The following ATP11B variants were observed in gnomAD, a reference collection of about 807,000 sequenced individuals.
The protein encoded by ATP11B is ATPase phospholipid transporting 11B (putative), also known as phospholipid-transporting ATPase IF.
A neutral mutation model predicts 157.8 loss-of-function variants in ATP11B; 81 were observed. That is an observed-to-expected ratio of 0.51 (90% CI 0.43 to 0.62). The LOEUF (loss-of-function observed/expected upper bound fraction) is 0.62. Ranked by LOEUF, ATP11B falls within the 20% of genes least tolerant of loss-of-function variation. ATP11B has a pLI of 0.00. For missense variants in ATP11B, 1,165 were observed against 1,402.2 expected (o/e 0.83, Z 2.70); for synonymous variants, 451 against 469.4 (o/e 0.96, Z 0.51).
intron 29 of ATP11B, chr3:182,916,158 T>C: frequency 1.0e-6 from 1 of 985,330 alleles, no homozygotes; most frequent in South Asian, 4.7e-5. Context: ...TTTTGATACA[T>C]AGAGTTCTCT....
intron 10 of ATP11B, among the ~76,000 whole-genome samples, chr3:182,849,268 C>G (rs1000155621): frequency 6.6e-6 from 1 of 152,204 alleles, no homozygotes; most frequent in African/African-American, 2.4e-5. Flanking sequence ...ATTGGAGACA[C>G]AGTTTGTTGA....
At chr3:182,819,371 T>A (rs1717182775) in intron 1 of ATP11B, among the ~76,000 whole-genome samples, 1 of 152,100 alleles carries the variant, frequency 6.6e-6, no homozygotes, top group Admixed American at 6.5e-5. Context: ...GCGCCCGGCG[T>A]CTTTTTTCTA....
chr3:182,859,944 CT>C (rs1720707200), intron 12 of ATP11B, among the ~76,000 whole-genome samples: 1 of 98,640 alleles, frequency 1.0e-5, no homozygotes, highest in Non-Finnish European at 2.3e-5. Context: ...TCCTCCCTGC[CT>C]TCCTTTTTTT....
At chr3:182,885,470 A>G (rs1722737119) in intron 22 of ATP11B, among the ~76,000 whole-genome samples, 1 of 152,148 alleles carries the variant, frequency 6.6e-6, no homozygotes, top group African/African-American at 2.4e-5. Flanking sequence ...AGTAGATTGC[A>G]TATTGCTATA....
At position 182,919,284 on chromosome 3, in the gene ATP11B, C is replaced by T. The variant is rs1237831607; in HGVS notation, c.*1180C>T. 1 of 152,542 alleles carries T rather than the reference C, an allele frequency of 6.6e-6. No homozygotes were observed. The highest frequency in any genetic ancestry group is 2.1e-4 in the South Asian group (1 of 4,820). The allele number at this position is 152,542 out of a possible 1,614,324, so 9.4% of individuals were successfully genotyped here. A position where few individuals can be genotyped will look rare whatever the true frequency, so the allele number is the denominator to read the frequency against. On this transcript the variant is annotated 3_prime_UTR_variant, in exon 30 of 30. Transcript: ENST00000323116. ...AGTGAGTTCTGCCAGTGTCCCAGTACAAGGCATATTTCAGGTGTGGCTGTG... is the reference window on the plus strand; with the variant it reads ...AGTGAGTTCTGCCAGTGTCCCAGTATAAGGCATATTTCAGGTGTGGCTGTG...
Position 182,801,797 on chromosome 3 carries a change from A to G in ATP11B, c.27+8011A>G, listed in dbSNP as rs191791466. On this transcript the variant is annotated intron_variant, in intron 1 of 29. Coordinates refer to ENST00000323116, the MANE Select transcript of ATP11B (RefSeq NM_014616.3). The stretch of plus-strand genomic sequence containing the variant: ...CAGTTACATCAGTGATTATTAATAT[A>G]AGTTAATGTAAAACTCTCCCCTTAA... 3.3e-4 allele frequency among the ~76,000 whole-genome samples: 50 copies of G among 152,320 alleles called. 1 individual carries two copies. Among genetic ancestry groups the G allele is most frequent in the Non-Finnish European group, 2.9e-4 (20 of 68,028 alleles).
intron 24 of ATP11B, among the ~76,000 whole-genome samples, chr3:182,888,508 T>C (rs1722948652): frequency 6.6e-6 from 1 of 152,142 alleles, no homozygotes; most frequent in African/African-American, 2.4e-5. Context: ...TGAAGTATTA[T>C]GCCTATGTCA....
chr3:182,839,078 A>G (rs1718791320), intron 7 of ATP11B, among the ~76,000 whole-genome samples: 3 of 152,196 alleles, frequency 2.0e-5, no homozygotes, highest in Admixed American at 1.3e-4. Flanking sequence ...AGGTACATAT[A>G]CACCACAGAA....
In ATP11B at chr3:182,836,714, T is replaced by C. The variant is rs534053670; in HGVS notation, c.552+244T>C. ...GTGTTTTTAGGAAAAATATAATCTTTTACTATTTGTGGTACTTTTAAAAGA... is the reference window on the plus strand; with the variant it reads ...GTGTTTTTAGGAAAAATATAATCTTCTACTATTTGTGGTACTTTTAAAAGA... On this transcript the variant is annotated intron_variant, in intron 6 of 29. Coordinates refer to ENST00000323116, the MANE Select transcript of ATP11B (RefSeq NM_014616.3). The C allele has an allele frequency of 3.5e-4, 172 of 492,564 alleles. 3 individuals carry two copies. The highest frequency in any genetic ancestry group is 3.0e-3 in the African/African-American group (150 of 50,228). 30.5% of individuals were successfully genotyped at this position (492,564 alleles called of 1,614,324 possible).
At position 182,887,435 on chromosome 3, in the gene ATP11B, C is replaced by G. The variant is rs568297160; in HGVS notation, c.2716-151C>G. 1.8e-5 allele frequency: 10 copies of G among 566,234 alleles called. No homozygotes were observed. The East Asian group carries it at 3.3e-4, about 19-fold the overall frequency. 35.1% of individuals were successfully genotyped at this position (566,234 alleles called of 1,614,324 possible). On this transcript the variant is annotated intron_variant, in intron 23 of 29. Transcript: ENST00000323116. The stretch of plus-strand genomic sequence containing the variant: ...TATATGTTTATGTCAGTATTAAAAA[C>G]AAATTAGAATTATTTAATTGGAGTT...
At chr3:182,901,387 A>G (rs937477618) in intron 28 of ATP11B, among the ~76,000 whole-genome samples, 2 of 151,740 alleles carry the variant, frequency 1.3e-5, no homozygotes, top group African/African-American at 4.8e-5. Context: ...ATAAGAGTAA[A>G]TATAGGTTCA....
intron 2 of ATP11B, among the ~76,000 whole-genome samples, chr3:182,825,628 C>T (rs1178907195): frequency 6.6e-6 from 1 of 150,628 alleles, no homozygotes; most frequent in Non-Finnish European, 1.5e-5. Flanking sequence ...GAGGCTGAGG[C>T]AGGAGAATGG....
At chr3:182,838,501 G>T (rs2108512289) in intron 7 of ATP11B, among the ~76,000 whole-genome samples, 1 of 152,094 alleles carries the variant, frequency 6.6e-6, no homozygotes, top group East Asian at 1.9e-4. Context: ...GGAAGTATGT[G>T]TTTTGTTTTA....
chr3:182,850,032 G>A (rs556947046), intron 10 of ATP11B, among the ~76,000 whole-genome samples: 13 of 152,272 alleles, frequency 8.5e-5, no homozygotes, highest in African/African-American at 3.1e-4. Flanking sequence ...ACATGTAAAT[G>A]AATAACAATA....
chr3:182,845,568 C>T, intron 9 of ATP11B, 46 bp downstream of exon 9: 1 of 1,270,540 alleles, frequency 7.9e-7, no homozygotes, highest in Non-Finnish European at 1.1e-6. Context: ...TGTGTTGATG[C>T]TTTATATGAA....
intron 29 of ATP11B, chr3:182,917,143 C>CT: frequency 5.1e-6 from 5 of 985,254 alleles, no homozygotes; most frequent in Non-Finnish European, 6.0e-6. Flanking sequence ...GAATTGGGGC[C>CT]TTTTTTAACG....
chr3:182,874,268 A>G (rs755222412), intron 19 of ATP11B, among the ~76,000 whole-genome samples: 7 of 152,240 alleles, frequency 4.6e-5, no homozygotes, highest in Admixed American at 1.3e-4. Flanking sequence ...CATATTACCA[A>G]TGAGTGCTTT....
chr3:182,864,104 A>G (rs779899457), intron 12 of ATP11B, among the ~76,000 whole-genome samples: 2 of 151,988 alleles, frequency 1.3e-5, no homozygotes, highest in Non-Finnish European at 2.9e-5. Flanking sequence ...TTCTTTTTGG[A>G]TATCGATCTT....
chr3:182,880,974 T>G lies in ATP11B; in HGVS notation c.2502T>G (p.Val834=). ...NDVSMIQEAH[V]GIGIMGKEGR... is the part of the protein sequence containing the mutation. ...TAAGCATGATACAAGAAGCCCATGT[T>G]GGCATAGGTGATTGATTCTTCCTGA... Residue 834 remains valine, a synonymous_variant, in exon 21 of 30, where the codon GTT becomes GTG. Transcript: ENST00000323116. The G allele has an allele frequency of 6.3e-7, 1 of 1,588,062 alleles. No homozygotes were observed. Among genetic ancestry groups the G allele is most frequent in the Non-Finnish European group, 8.5e-7 (1 of 1,169,930 alleles).
Sources: gnomAD v4.1 joint callset for allele counts (sites outside exome capture counted in the v4.1 genomes callset) on GRCh38, gnomAD v4.1.1 for gene constraint, MANE v1.5 for transcripts, NCBI Gene and HGNC (gene_info 2026-07-23, HGNC 2026-07-21) for gene names.